HSDL2: variants seen among roughly 807,000 people sequenced by gnomAD.
HSDL2 encodes the protein hydroxysteroid dehydrogenase like 2, also known as hydroxysteroid dehydrogenase-like protein 2.
In HSDL2, 27 loss-of-function variants were observed where a neutral mutation model predicts 46.3. The ratio of observed to expected loss-of-function variants is 0.58; its 90% CI spans 0.43 to 0.80. The LOEUF (loss-of-function observed/expected upper bound fraction) is 0.80, where lower values mean the gene tolerates loss of function less well. HSDL2 is among the 30% of genes least tolerant of loss of function. The pLI, the probability that HSDL2 is intolerant of heterozygous loss-of-function variation, is 0.00. For synonymous variants in HSDL2, 153 were observed against 163.6 expected, an observed-to-expected ratio of 0.94 and a Z score of 0.50; for missense variants, 451 against 502.7, an observed-to-expected ratio of 0.90 and a Z score of 0.98.
At chr9:112,398,055 G>GT (rs1165046844) in intron 1 of HSDL2, among the ~76,000 whole-genome samples, 1 of 152,168 alleles carries the variant, frequency 6.6e-6, no homozygotes, top group Non-Finnish European at 1.5e-5. Context: ...GACAGGAAAA[G>GT]TATGTGTAGA....
At chr9:112,416,507 C>T (rs1168611045) in intron 4 of HSDL2, among the ~76,000 whole-genome samples, 1 of 150,968 alleles carries the variant, frequency 6.6e-6, no homozygotes, top group Admixed American at 6.6e-5. Context: ...AATCCTGGCA[C>T]TTCGGGAGTC....
intron 1 of HSDL2, among the ~76,000 whole-genome samples, chr9:112,392,368 G>C (rs182297804): frequency 6.6e-6 from 1 of 152,124 alleles, no homozygotes; most frequent in Non-Finnish European, 1.5e-5. Context: ...GCAGAGAACC[G>C]GTTGACCACA....
intron 6 of HSDL2, among the ~76,000 whole-genome samples, chr9:112,430,032 C>T (rs1004818800): frequency 5.3e-5 from 8 of 151,152 alleles, no homozygotes; most frequent in Non-Finnish European, 7.4e-5. Context: ...TGCAGTGAGC[C>T]GTGATCATAC....
chr9:112,434,120 T>G (rs975028928), intron 6 of HSDL2: 1 of 152,192 alleles, frequency 6.6e-6, no homozygotes, highest in African/African-American at 2.4e-5. Flanking sequence ...CTTGCTGAAA[T>G]GGAGGGTGGG....
chr9:112,415,524 T>A (rs1831971007), intron 4 of HSDL2, among the ~76,000 whole-genome samples: 2 of 152,212 alleles, frequency 1.3e-5, no homozygotes, highest in South Asian at 4.1e-4. Flanking sequence ...CCCTGGTCTG[T>A]CTGACTTGAA....
chr9:112,415,714 C>T lies in HSDL2; in HGVS notation c.396-1127C>T, dbSNP rs186053294. On this transcript the variant is annotated intron_variant, in intron 4 of 10. Coordinates refer to ENST00000398805, the MANE Select transcript of HSDL2 (RefSeq NM_032303.5). ...CATCAAGCAGATCATGTTGCCAGGC[C>T]ATTAAGCAGAATTTCAAAGGATGAA... Among the ~76,000 whole-genome samples the T allele has an allele frequency of 2.6e-5, 4 of 152,240 alleles. 1 individual carries two copies. Among genetic ancestry groups the T allele is most frequent in the Admixed American group, 2.6e-4 (4 of 15,282 alleles).
chr9:112,466,127 T>C (rs575350880), intron 10 of HSDL2, among the ~76,000 whole-genome samples: 1 of 152,392 alleles, frequency 6.6e-6, no homozygotes, highest in South Asian at 2.1e-4. Flanking sequence ...TTGTTTTGAT[T>C]TGCATTTCTC....
chr9:112,423,340 C>A (rs970336063), intron 6 of HSDL2, among the ~76,000 whole-genome samples: 1 of 152,070 alleles, frequency 6.6e-6, no homozygotes, highest in Non-Finnish European at 1.5e-5. Context: ...TCATTGAATT[C>A]TTTTCTTTTC....
chr9:112,387,800 A>G (rs1044827833), intron 1 of HSDL2, among the ~76,000 whole-genome samples: 9 of 152,210 alleles, frequency 5.9e-5, no homozygotes, highest in African/African-American at 2.2e-4. Flanking sequence ...AAAATACAGT[A>G]TCACATGTTC....
chr9:112,454,862 C>A (rs1033360444), intron 9 of HSDL2, among the ~76,000 whole-genome samples: 2 of 151,516 alleles, frequency 1.3e-5, no homozygotes, highest in African/African-American at 2.4e-5. Flanking sequence ...CCCACCACCA[C>A]ACATGGCTAA....
At chr9:112,465,349 G>A (rs181668298) in intron 10 of HSDL2, among the ~76,000 whole-genome samples, 5 of 152,200 alleles carry the variant, frequency 3.3e-5, no homozygotes, top group South Asian at 2.1e-4. Context: ...GGCTGGTCTC[G>A]AACTCCTGAC....
chr9:112,384,339 T>C (rs1587923101), intron 1 of HSDL2, among the ~76,000 whole-genome samples: 2 of 152,166 alleles, frequency 1.3e-5, no homozygotes, highest in African/African-American at 4.8e-5. Flanking sequence ...CTGGTACTAA[T>C]GCTTTGGAGC....
chr9:112,412,675 G>T, intron 4 of HSDL2, among the ~76,000 whole-genome samples: 1 of 152,078 alleles, frequency 6.6e-6, no homozygotes, highest in East Asian at 1.9e-4. Flanking sequence ...AAGTCTCTTT[G>T]TTTTTTCCTT....
rs753868097 is a variant in HSDL2 at position 112,412,083 on chromosome 9, CTT to C, written c.395+3066_395+3067del. 5.9e-5 allele frequency among the ~76,000 whole-genome samples: 9 copies of C among 152,284 alleles called. No homozygotes were observed. In the East Asian group the frequency reaches 1.5e-3, roughly 26 times the overall value. Reference sequence around the variant, plus strand: ...ATCCAGAATGCTCTGAGATCTGAAACTTTTTGAGTGCTGACTCGACGCTCAAA... The same window carrying C: ...ATCCAGAATGCTCTGAGATCTGAAACTTTGAGTGCTGACTCGACGCTCAAA... On this transcript the variant is annotated intron_variant, in intron 4 of 10. Transcript: ENST00000398805.
At chr9:112,463,561 C>G (rs1416099248) in intron 10 of HSDL2, among the ~76,000 whole-genome samples, 2 of 152,292 alleles carry the variant, frequency 1.3e-5, no homozygotes, top group Non-Finnish European at 2.9e-5. Context: ...TTGCTCCTTG[C>G]AGAGCAGGGT....
intron 9 of HSDL2, among the ~76,000 whole-genome samples, chr9:112,455,122 AC>A (rs1437813987): frequency 6.6e-6 from 1 of 151,980 alleles, no homozygotes; most frequent in African/African-American, 2.4e-5. Flanking sequence ...AATCCCAGCT[AC>A]TCAGGAGGCT....
chr9:112,406,204 C>G (rs1272736299), intron 3 of HSDL2, among the ~76,000 whole-genome samples: 1 of 150,882 alleles, frequency 6.6e-6, no homozygotes, highest in Non-Finnish European at 1.5e-5. Context: ...GAATGATAGA[C>G]TGTGGAGACT....
At chr9:112,426,459 C>A (rs973787442) in intron 6 of HSDL2, among the ~76,000 whole-genome samples, 1 of 152,188 alleles carries the variant, frequency 6.6e-6, no homozygotes, top group African/African-American at 2.4e-5. Context: ...TAGTCTCAAA[C>A]TCCTGACCTC....
chr9:112,447,718 G>T (rs1832784525), intron 8 of HSDL2, among the ~76,000 whole-genome samples: 1 of 152,206 alleles, frequency 6.6e-6, no homozygotes, highest in African/African-American at 2.4e-5. Flanking sequence ...GCTAAACATA[G>T]AAGGAAATGT....
Sources: allele counts gnomAD v4.1 joint callset (sites outside exome capture counted in the v4.1 genomes callset), GRCh38; gene constraint gnomAD v4.1.1; transcripts MANE v1.5; gene names NCBI Gene and HGNC (gene_info 2026-07-23, HGNC 2026-07-21).